Variants in MAB21L3 observed in about 807,000 individuals in gnomAD.
MAB21L3 encodes protein mab-21-like 3.
In MAB21L3, 36 loss-of-function variants were observed where a neutral mutation model predicts 37.7. The ratio of observed to expected loss-of-function variants is 0.96; its 90% CI spans 0.73 to 1.26. The LOEUF is 1.26. MAB21L3 is among the 50% of genes most tolerant of loss of function. The pLI is 0.00. For missense variants in MAB21L3, 430 were observed against 447.3 expected, an observed-to-expected ratio of 0.96 and a Z score of 0.35; for synonymous variants, 186 against 176.8, an observed-to-expected ratio of 1.05 and a Z score of -0.41.
In MAB21L3 at chr1:116,135,659, G is replaced by T. The variant is rs1485919666; in HGVS notation, c.*2294G>T. 4.6e-5 allele frequency among the ~76,000 whole-genome samples: 7 copies of T among 152,096 alleles called. No homozygotes were observed. The highest frequency in any genetic ancestry group is 1.5e-5 in the Non-Finnish European group (1 of 68,024). On this transcript the variant is annotated 3_prime_UTR_variant, in exon 8 of 8. Transcript: ENST00000369500. ...CAGCATCATCCTGATACCAAAGCCG[G>T]GCAGAGACACAACTAAAAAAGAGAA...
At chr1:116,112,006 G>T (rs1659436382) in intron 2 of MAB21L3, among the ~76,000 whole-genome samples, 196 bp downstream of exon 2, 1 of 152,190 alleles carries the variant, frequency 6.6e-6, no homozygotes, top group Non-Finnish European at 1.5e-5. Context: ...GACAAGACCT[G>T]ATCACTTGTT....
intron 3 of MAB21L3, among the ~76,000 whole-genome samples, chr1:116,114,951 G>A (rs189498902): frequency 4.2e-4 from 64 of 152,296 alleles, no homozygotes; most frequent in Non-Finnish European, 7.4e-4. Context: ...AGGGAACCCC[G>A]TTCAAACATT....
rs1376898763 is a variant in MAB21L3, at chr1:116,111,468, C to T, written c.-434C>T. On this transcript the variant is annotated 5_prime_UTR_variant, in exon 1 of 8. Coordinates refer to ENST00000369500, the MANE Select transcript of MAB21L3 (RefSeq NM_152367.3). The stretch of plus-strand genomic sequence containing the variant: ...CAGTGGCCTTTGTGGGCAGCACTTA[C>T]AGGTGGGCTTGGAAACACTTGCCTT... Among the ~76,000 whole-genome samples, 1 of 152,136 alleles carries T rather than the reference C, an allele frequency of 6.6e-6. No homozygotes were observed. Among genetic ancestry groups the T allele is most frequent in the Non-Finnish European group, 1.5e-5 (1 of 68,032 alleles).
At chr1:116,123,841 T>C in intron 4 of MAB21L3, 1 of 515,690 alleles carries the variant, frequency 1.9e-6, no homozygotes, top group Non-Finnish European at 3.5e-6. Flanking sequence ...GATAATAAAC[T>C]CAGCAGGTTA....
chr1:116,128,561 G>C (rs1659976074), intron 7 of MAB21L3, among the ~76,000 whole-genome samples: 1 of 151,910 alleles, frequency 6.6e-6, no homozygotes, highest in Non-Finnish European at 1.5e-5. Flanking sequence ...CCCTGCCCAG[G>C]GTAAAATTTC....
At position 116,127,576 on chromosome 1, in the gene MAB21L3, T is replaced by C. The variant is rs1659945239; in HGVS notation, c.592T>C (p.Ser198Pro). 6.8e-6 allele frequency: 11 copies of C among 1,614,092 alleles called. No individual in the cohort carries two copies. The highest frequency in any genetic ancestry group is 9.3e-6 in the Non-Finnish European group (11 of 1,180,008). The change falls in exon 6 of 8, where the codon TCC becomes CCC. Residue 198 changes from serine to proline, a missense_variant. Coordinates refer to ENST00000369500, the MANE Select transcript of MAB21L3 (RefSeq NM_152367.3). ...VPAVEIPTTW[S>P]KKARWPRCLQ... ...CGCAGTGGAGATCCCCACCACCTGG[T>C]CCAAGAAAGCCCGGTGGCCTCGATG...
At chr1:116,116,713 G>T (rs1659598635) in intron 3 of MAB21L3, among the ~76,000 whole-genome samples, 1 of 152,130 alleles carries the variant, frequency 6.6e-6, no homozygotes, top group Non-Finnish European at 1.5e-5. Context: ...ACCAGACGAG[G>T]CAATTTCTGA....
In MAB21L3 at chr1:116,124,313, T is replaced by C. The variant is rs1228388466; in HGVS notation, c.437T>C (p.Phe146Ser). 6.2e-7 allele frequency: 1 copy of C among 1,613,910 alleles called. No homozygotes were observed. Among genetic ancestry groups the C allele is most frequent in the Non-Finnish European group, 8.5e-7 (1 of 1,180,036 alleles). ...GTGCCTGCCAAGGTCCTCCTAGTGT[T>C]CCGGAAGCTGGTGGAAAATGCAGTT... ...DIVPAKVLLV[F>S]RKLVENAVRT... Residue 146 changes from phenylalanine (F) to serine (S), a missense_variant, in exon 5 of 8, where the codon TTC becomes TCC. Phe to Ser is a radical substitution (Grantham distance 155). Coordinates refer to ENST00000369500, the MANE Select transcript of MAB21L3 (RefSeq NM_152367.3).
rs1175770529 is a variant in MAB21L3, at chr1:116,112,471, C to G, written c.-145C>G. On this transcript the variant is annotated 5_prime_UTR_variant, in exon 3 of 8. Coordinates refer to ENST00000369500, the MANE Select transcript of MAB21L3 (RefSeq NM_152367.3). ...AGTGAAGGGTTCGGAAGGCAAGTCTCTGGTCCATTACACACTTCCAGAAAA... is the reference window on the plus strand; with the variant it reads ...AGTGAAGGGTTCGGAAGGCAAGTCTGTGGTCCATTACACACTTCCAGAAAA... The G allele has an allele frequency of 4.9e-6, 3 of 614,134 alleles. No homozygotes were observed. Among genetic ancestry groups the G allele is most frequent in the Non-Finnish European group, 8.6e-6 (3 of 349,822 alleles). 38.0% of individuals were successfully genotyped at this position (614,134 alleles called of 1,614,324 possible).
chr1:116,126,161 A>G (rs1319031206), intron 5 of MAB21L3, among the ~76,000 whole-genome samples: 2 of 152,210 alleles, frequency 1.3e-5, no homozygotes, highest in Non-Finnish European at 2.9e-5. Flanking sequence ...AATGCAAAAT[A>G]ATAGATTCCA....
chr1:116,137,552 T>C lies in MAB21L3; in HGVS notation c.*4187T>C, dbSNP rs1465614873. ...GGACTGTAAACTAGTTCAACCATTA[T>C]GGAAGTCAGTGTGGCGATTCCTCAG... is the stretch of plus-strand genomic sequence containing the variant. On this transcript the variant is annotated 3_prime_UTR_variant, in exon 8 of 8. Transcript: ENST00000369500. Among the ~76,000 whole-genome samples the C allele has an allele frequency of 2.0e-5, 3 of 149,872 alleles. No individual in the cohort carries two copies. The highest frequency in any genetic ancestry group is 2.0e-4 in the East Asian group (1 of 5,108).
At position 116,136,699 on chromosome 1, in the gene MAB21L3, G is replaced by T. The variant is rs1175879567; in HGVS notation, c.*3334G>T. Among the ~76,000 whole-genome samples, 1 of 152,166 alleles carries T rather than the reference G, an allele frequency of 6.6e-6. No homozygotes were observed. Among genetic ancestry groups the T allele is most frequent in the Admixed American group, 6.6e-5 (1 of 15,266 alleles). On this transcript the variant is annotated 3_prime_UTR_variant, in exon 8 of 8. Transcript: ENST00000369500. ...CTAAGCCAAAAGAACAAAGCTGGAG[G>T]CATCACACTACCTGACTTCAAACTA...
intron 3 of MAB21L3, among the ~76,000 whole-genome samples, chr1:116,114,698 C>T (rs1659521997): frequency 6.6e-6 from 1 of 152,188 alleles, no homozygotes; most frequent in Non-Finnish European, 1.5e-5. Flanking sequence ...GTCCCATCTG[C>T]AGATTTTGTA....
chr1:116,127,368 G>A (rs1245700108), intron 5 of MAB21L3, 98 bp from the exon 6 acceptor site: 6 of 1,172,286 alleles, frequency 5.1e-6, no homozygotes, highest in African/African-American at 4.6e-5. Flanking sequence ...CCAGTTGCAA[G>A]GTGCTGGTCA....
At chr1:116,124,886 CACAT>C (rs60308698) in intron 5 of MAB21L3, among the ~76,000 whole-genome samples, 7,370 of 123,840 alleles carry the variant, frequency 0.06, 607 homozygotes, top group African/African-American at 0.21. Context: ...CACACACACA[CACAT>C]ACACACACAC....
intron 2 of MAB21L3, 24 bp from the exon 3 acceptor site, chr1:116,112,383 C>T (rs1419436232): frequency 5.0e-6 from 2 of 398,326 alleles, no homozygotes; most frequent in East Asian, 7.5e-5. Context: ...TTTTTAAATT[C>T]TTTTTTTTTT....
chr1:116,129,092 A>G (rs1414596708), intron 7 of MAB21L3, among the ~76,000 whole-genome samples: 1 of 152,156 alleles, frequency 6.6e-6, no homozygotes, highest in Admixed American at 6.5e-5. Context: ...CACTCATGGC[A>G]CTTCTGGTCT....
At position 116,138,073 on chromosome 1, in the gene MAB21L3, T is replaced by G. The variant is rs534766314; in HGVS notation, c.*4708T>G. ...CACCAGCATGGCACATGTATACATATGTAACTAACCTGCACATTGTGCACA... is the reference window on the plus strand; with the variant it reads ...CACCAGCATGGCACATGTATACATAGGTAACTAACCTGCACATTGTGCACA... On this transcript the variant is annotated 3_prime_UTR_variant, in exon 8 of 8. Coordinates refer to ENST00000369500, the MANE Select transcript of MAB21L3 (RefSeq NM_152367.3). Among the ~76,000 whole-genome samples, 14 of 151,246 alleles carry G rather than the reference T, an allele frequency of 9.3e-5. No individual in the cohort carries two copies. Among genetic ancestry groups the G allele is most frequent in the African/African-American group, 3.4e-4 (14 of 41,074 alleles).
intron 6 of MAB21L3, 99 bp downstream of exon 6, chr1:116,127,743 A>T: frequency 2.4e-6 from 3 of 1,269,716 alleles, no homozygotes; most frequent in Non-Finnish European, 3.2e-6. Context: ...AGGAAAGTTG[A>T]GGTGTTACTA....
Sources: allele counts gnomAD v4.1 joint callset (sites outside exome capture counted in the v4.1 genomes callset), GRCh38; gene constraint gnomAD v4.1.1; transcripts MANE v1.5; gene names NCBI Gene and HGNC (gene_info 2026-07-23, HGNC 2026-07-21).